Variants in SYT1 observed in about 807,000 individuals in gnomAD.
The protein encoded by SYT1 is synaptotagmin-1.
A neutral mutation model predicts 44.8 loss-of-function variants in SYT1; 8 were observed. That is an observed-to-expected ratio of 0.18 (90% CI 0.10 to 0.32). The LOEUF is 0.32. Ranked by LOEUF, SYT1 falls within the 10% of genes least tolerant of loss-of-function variation. SYT1 has a pLI of 1.00. For missense variants in SYT1, 286 were observed against 509.3 expected (o/e 0.56, Z 4.22); for synonymous variants, 154 against 188.8 (o/e 0.82, Z 1.51).
At chr12:79,275,181 C>T (rs1200019091) in intron 4 of SYT1, among the ~76,000 whole-genome samples, 1 of 152,076 alleles carries the variant, frequency 6.6e-6, no homozygotes, top group Non-Finnish European at 1.5e-5. Flanking sequence ...TGCTTGTGGG[C>T]AAAGAACAGC....
intron 3 of SYT1, among the ~76,000 whole-genome samples, chr12:79,124,421 G>A (rs1868339652): frequency 6.6e-6 from 1 of 152,120 alleles, no homozygotes; most frequent in African/African-American, 2.4e-5. Flanking sequence ...ATAATCTTCT[G>A]AGATTACAAC....
rs76305085 is a variant in SYT1, at chr12:79,423,601, A to G, written c.929-20472A>G. 2.1e-3 allele frequency among the ~76,000 whole-genome samples: 315 copies of G among 152,224 alleles called. 2 individuals are homozygous for G. Among genetic ancestry groups the G allele is most frequent in the African/African-American group, 7.2e-3 (297 of 41,524 alleles). Reference sequence around the variant, plus strand: ...CCAGCTTAGCCTCTTACTCTTGGCTAAAAAACATTTCAAGGACTTAAACTG... The same window carrying G: ...CCAGCTTAGCCTCTTACTCTTGGCTGAAAAACATTTCAAGGACTTAAACTG... On this transcript the variant is annotated intron_variant, in intron 9 of 10. Transcript: ENST00000261205.
chr12:78,992,724 C>T (rs1870101882), intron 2 of SYT1, among the ~76,000 whole-genome samples: 1 of 152,104 alleles, frequency 6.6e-6, no homozygotes, highest in African/African-American at 2.4e-5. Flanking sequence ...TAGAAAGAAG[C>T]AGTGCAGTGA....
chr12:79,308,174 T>C (rs567610418), intron 8 of SYT1, among the ~76,000 whole-genome samples: 8 of 152,180 alleles, frequency 5.3e-5, no homozygotes, highest in South Asian at 4.1e-4. Flanking sequence ...TGAAGCAGAA[T>C]CTGAAGAACA....
At chr12:79,424,953 C>CTT (rs398040025) in intron 9 of SYT1, among the ~76,000 whole-genome samples, 2,951 of 85,152 alleles carry the variant, frequency 0.035, 119 homozygotes, top group East Asian at 0.16. Flanking sequence ...TTTTCTTCTT[C>CTT]TTTTTTTTTT....
At chr12:78,878,512 C>T (rs183554441) in intron 1 of SYT1, among the ~76,000 whole-genome samples, 9 of 151,826 alleles carry the variant, frequency 5.9e-5, no homozygotes, top group Non-Finnish European at 1.0e-4. Context: ...TGTTTACTCT[C>T]ATAGTGGTGA....
chr12:78,950,845 A>T (rs910793782), intron 1 of SYT1, among the ~76,000 whole-genome samples: 1 of 152,118 alleles, frequency 6.6e-6, no homozygotes, highest in Non-Finnish European at 1.5e-5. Flanking sequence ...TAACATCCTT[A>T]ACAGGAAACC....
intron 8 of SYT1, among the ~76,000 whole-genome samples, chr12:79,299,789 CACAA>C (rs984323938): frequency 2.0e-5 from 3 of 152,082 alleles, no homozygotes; most frequent in South Asian, 2.1e-4. Context: ...CAACCCTGGA[CACAA>C]ACAAACACAC....
chr12:78,869,277 T>C (rs1449786196), intron 1 of SYT1, among the ~76,000 whole-genome samples: 2 of 151,950 alleles, frequency 1.3e-5, no homozygotes, highest in Non-Finnish European at 1.5e-5. Flanking sequence ...GAGGAGCTAG[T>C]TTTATATGGA....
intron 4 of SYT1, among the ~76,000 whole-genome samples, chr12:79,256,824 G>A (rs535146119): frequency 6.6e-6 from 1 of 152,218 alleles, no homozygotes; most frequent in African/African-American, 2.4e-5. Flanking sequence ...AGTTTTATCT[G>A]AGTAACAATA....
At chr12:79,334,492 A>C (rs1881999625) in intron 8 of SYT1, among the ~76,000 whole-genome samples, 1 of 152,154 alleles carries the variant, frequency 6.6e-6, no homozygotes, top group African/African-American at 2.4e-5. Flanking sequence ...AGGATATGAC[A>C]GTGAGAAATA....
At chr12:79,180,655 G>C (rs963746758) in intron 3 of SYT1, among the ~76,000 whole-genome samples, 1 of 151,814 alleles carries the variant, frequency 6.6e-6, no homozygotes, top group African/African-American at 2.4e-5. Context: ...AGAGAGTGAA[G>C]GGGGAGGTGC....
intron 9 of SYT1, among the ~76,000 whole-genome samples, chr12:79,424,486 A>G (rs138499292): frequency 3.3e-5 from 5 of 152,322 alleles, no homozygotes; most frequent in African/African-American, 1.2e-4. Context: ...AACAACAGGC[A>G]TAAGCATATA....
chr12:78,938,760 C>T (rs143733101), intron 1 of SYT1, among the ~76,000 whole-genome samples: 9 of 152,130 alleles, frequency 5.9e-5, no homozygotes, highest in African/African-American at 2.2e-4. Flanking sequence ...TGTAGGCTAT[C>T]CAGGAAGTAT....
intron 8 of SYT1, among the ~76,000 whole-genome samples, chr12:79,333,357 A>C (rs1288139369): frequency 6.6e-6 from 1 of 152,140 alleles, no homozygotes; most frequent in Non-Finnish European, 1.5e-5. Context: ...AGGAAGACTC[A>C]GCCCTCATCA....
intron 3 of SYT1, among the ~76,000 whole-genome samples, chr12:79,100,948 ATAAG>A: frequency 6.6e-6 from 1 of 152,286 alleles, no homozygotes; most frequent in South Asian, 2.1e-4. Flanking sequence ...TGGCTTTAAA[ATAAG>A]TATGTTATTT....
intron 9 of SYT1, among the ~76,000 whole-genome samples, chr12:79,382,396 G>A (rs576344545): frequency 6.6e-6 from 1 of 152,124 alleles, no homozygotes; most frequent in South Asian, 2.1e-4. Flanking sequence ...CTGACTTCAA[G>A]GAATTTATAT....
intron 8 of SYT1, among the ~76,000 whole-genome samples, chr12:79,327,360 G>A (rs1394452203): frequency 6.6e-6 from 1 of 152,154 alleles, no homozygotes; most frequent in Non-Finnish European, 1.5e-5. Flanking sequence ...CAAAGGAAAA[G>A]TAAAGGAATT....
chr12:79,147,833 C>T (rs1015383215), intron 3 of SYT1, among the ~76,000 whole-genome samples: 2 of 151,920 alleles, frequency 1.3e-5, no homozygotes, highest in African/African-American at 4.8e-5. Context: ...GAGGGTCAAA[C>T]GTAAAATTTT....
Sources: allele counts gnomAD v4.1 joint callset (sites outside exome capture counted in the v4.1 genomes callset), GRCh38; gene constraint gnomAD v4.1.1; transcripts MANE v1.5; gene names NCBI Gene and HGNC (gene_info 2026-07-23, HGNC 2026-07-21).